The following CTNNAL1 variants were observed in gnomAD, a reference collection of about 807,000 sequenced individuals.
CTNNAL1 encodes catenin alpha like 1, also known as alpha-catulin.
Under a neutral mutation model 93.6 loss-of-function variants are expected in CTNNAL1, and 69 were observed. That is an observed-to-expected ratio of 0.74 (90% CI 0.61 to 0.90). The LOEUF (loss-of-function observed/expected upper bound fraction) is 0.90. Among genes scored for constraint, CTNNAL1 ranks in the 40% least tolerant of loss-of-function variants. CTNNAL1 has a pLI of 0.00. For missense variants in CTNNAL1, 836 were observed against 862.0 expected (o/e 0.97, Z 0.38); for synonymous variants, 286 against 305.4 (o/e 0.94, Z 0.66).
chr9:108,978,784 GGATCTACCCTT>G (rs1290378403), intron 7 of CTNNAL1, among the ~76,000 whole-genome samples: 1 of 150,142 alleles, frequency 6.7e-6, no homozygotes, highest in African/African-American at 2.5e-5. Flanking sequence ...CTTGCCAGCT[GGATCTACCCTT>G]GTTTTCATTG....
chr9:108,988,658 C>T (rs1831688888), intron 4 of CTNNAL1, among the ~76,000 whole-genome samples: 1 of 152,182 alleles, frequency 6.6e-6, no homozygotes, highest in East Asian at 1.9e-4. Flanking sequence ...TTACCCTTCC[C>T]GTTTGCTCAC....
intron 11 of CTNNAL1, among the ~76,000 whole-genome samples, chr9:108,959,233 T>C (rs1333758592): frequency 6.7e-6 from 1 of 149,480 alleles, no homozygotes; most frequent in Non-Finnish European, 1.5e-5. Context: ...GGTGTGGTGG[T>C]GGGCGCCTGT....
chr9:108,983,209 C>A lies in CTNNAL1; in HGVS notation c.836G>T (p.Cys279Phe). Residue 279 changes from cysteine (C) to phenylalanine (F), a missense_variant, in exon 6 of 19, where the codon TGT becomes TTT. Physicochemically the swap from Cys to Phe is radical, Grantham distance 205. Coordinates refer to ENST00000325551, the MANE Select transcript of CTNNAL1 (RefSeq NM_003798.4). ...LDKVIEIVTD[C>F]KPNGETDISS... ...AATGTCAGTCTCTCCATTCGGTTTA[C>A]AGTCAGTCACAATTTCAATGACCTT... The A allele has an allele frequency of 1.3e-6, 2 of 1,590,956 alleles. No individual in the cohort carries two copies. The highest frequency in any genetic ancestry group is 1.7e-5 in the Admixed American group (1 of 57,428).
At position 108,942,721 on chromosome 9, in the gene CTNNAL1, T is replaced by G; in HGVS notation, c.*48A>C. On this transcript the variant is annotated 3_prime_UTR_variant, in exon 19 of 19. Coordinates refer to ENST00000325551, the MANE Select transcript of CTNNAL1 (RefSeq NM_003798.4). ...TAAAGGATCATTTGATTTTTAAAAA[T>G]GTCAGCTTCATCACATGATGTTCCA... 8.6e-7 allele frequency: 1 copy of G among 1,162,518 alleles called. No individual in the cohort carries two copies. Among genetic ancestry groups the G allele is most frequent in the African/African-American group, 1.5e-5 (1 of 64,668 alleles). The allele number at this position is 1,162,518 out of a possible 1,614,324, so 72.0% of individuals were successfully genotyped here.
At chr9:108,989,398 T>TTA (rs1831715348) in intron 4 of CTNNAL1, among the ~76,000 whole-genome samples, 3 of 152,222 alleles carry the variant, frequency 2.0e-5, no homozygotes, top group Admixed American at 2.0e-4. Flanking sequence ...GAAAATTTGT[T>TTA]TTATAAAGAA....
chr9:108,992,997 CA>C (rs370155035), intron 2 of CTNNAL1, among the ~76,000 whole-genome samples, 178 bp from the exon 3 acceptor site: 5 of 150,850 alleles, frequency 3.3e-5, no homozygotes, highest in African/African-American at 1.2e-4. Flanking sequence ...GCTTTCTAAC[CA>C]GAAAATAATA....
At chr9:108,994,974 G>A (rs1335452580) in intron 2 of CTNNAL1, among the ~76,000 whole-genome samples, 2 of 152,210 alleles carry the variant, frequency 1.3e-5, no homozygotes, top group Non-Finnish European at 2.9e-5. Flanking sequence ...CAGACCTGCA[G>A]TGCACTCAAG....
At chr9:108,963,239 GA>G (rs1332526549) in intron 11 of CTNNAL1, among the ~76,000 whole-genome samples, 1 of 152,128 alleles carries the variant, frequency 6.6e-6, no homozygotes, top group African/African-American at 2.4e-5. Flanking sequence ...TCTTCTTATG[GA>G]AATAAAAGAG....
chr9:108,972,441 A>T lies in CTNNAL1; in HGVS notation c.1347+234T>A, dbSNP rs534658833. 3.9e-5 allele frequency among the ~76,000 whole-genome samples: 6 copies of T among 152,312 alleles called. No homozygotes were observed. In the East Asian group the frequency reaches 1.2e-3, roughly 29 times the overall value. ...TCCAAGGTCTAACTTCTCTGAGAGG[A>T]TAAGGAAAAGAAGATTAAGAAGTTC... is the stretch of plus-strand genomic sequence containing the variant. On this transcript the variant is annotated intron_variant, in intron 9 of 18. Coordinates refer to ENST00000325551, the MANE Select transcript of CTNNAL1 (RefSeq NM_003798.4).
intron 2 of CTNNAL1, among the ~76,000 whole-genome samples, chr9:108,994,114 C>A (rs1831920349): frequency 6.6e-6 from 1 of 152,066 alleles, no homozygotes; most frequent in African/African-American, 2.4e-5. Flanking sequence ...GGCCTGTAAT[C>A]CCAGCTACTC....
At chr9:108,959,466 T>C (rs1205010320) in intron 11 of CTNNAL1, among the ~76,000 whole-genome samples, 2 of 150,978 alleles carry the variant, frequency 1.3e-5, no homozygotes, top group Non-Finnish European at 2.9e-5. Flanking sequence ...GGCCAGCACC[T>C]GTAGTTCTAG....
At chr9:108,988,098 C>G (rs549454629) in intron 4 of CTNNAL1, among the ~76,000 whole-genome samples, 15 of 151,858 alleles carry the variant, frequency 9.9e-5, no homozygotes, top group Admixed American at 2.0e-4. Flanking sequence ...ACTTTCTTTT[C>G]CTTTTGAGAC....
In CTNNAL1 at chr9:108,972,748, C is replaced by G; in HGVS notation, c.1274G>C (p.Gly425Ala). The change falls in exon 9 of 19, where the codon GGA (glycine) becomes GCA (alanine). Residue 425 changes from glycine (G) to alanine (A), a missense_variant. Transcript: ENST00000325551. ...HVVLKALKLT[G>A]VEGNLEALAE... is the part of the protein sequence containing the mutation. The stretch of plus-strand genomic sequence containing the variant: ...CAAAGCTTCTAAATTTCCTTCTACT[C>G]CAGTAAGTTTTAATGCTTTTAGAAC... 1 of 1,592,380 alleles carries G rather than the reference C, an allele frequency of 6.3e-7. No homozygotes were observed. Among genetic ancestry groups the G allele is most frequent in the Non-Finnish European group, 8.6e-7 (1 of 1,167,886 alleles).
intron 11 of CTNNAL1, among the ~76,000 whole-genome samples, chr9:108,959,364 C>CAAAA (rs36116094): frequency 3.7e-3 from 206 of 55,710 alleles, no homozygotes; most frequent in Non-Finnish European, 4.4e-3. Flanking sequence ...GACTCCATAT[C>CAAAA]AAAAAAAAAA....
At chr9:108,953,354 T>A (rs1195507751) in intron 12 of CTNNAL1, among the ~76,000 whole-genome samples, 1 of 152,282 alleles carries the variant, frequency 6.6e-6, no homozygotes, top group East Asian at 1.9e-4. Flanking sequence ...AACTCTGAGA[T>A]CTGGTGAAAG....
Position 108,989,562 on chromosome 9 carries a change from T to G in CTNNAL1, c.639+1164A>C, listed in dbSNP as rs1358679007. On this transcript the variant is annotated intron_variant, in intron 4 of 18. Transcript: ENST00000325551. ...AATTGGGAAAGTTCATATCAAAAAC[T>G]GAGAGACTAGCCTATGGGACTACAC... 3.3e-5 allele frequency among the ~76,000 whole-genome samples: 5 copies of G among 152,156 alleles called. No homozygotes were observed. The East Asian group carries it at 7.7e-4, about 23-fold the overall frequency.
chr9:108,986,179 C>T (rs1034588907), intron 4 of CTNNAL1, among the ~76,000 whole-genome samples: 1 of 142,922 alleles, frequency 7.0e-6, no homozygotes, highest in South Asian at 2.5e-4. Flanking sequence ...CCTCCCCCCT[C>T]CCCGCACCCC....
Position 108,992,502 on chromosome 9 carries a change from A to C in CTNNAL1, c.519+130T>G. The C allele has an allele frequency of 6.8e-6, 8 of 1,182,296 alleles. 1 individual carries two copies. The highest frequency in any genetic ancestry group is 9.3e-6 in the Non-Finnish European group (8 of 864,020). The allele number at this position is 1,182,296 out of a possible 1,614,324, so 73.2% of individuals were successfully genotyped here. On this transcript the variant is annotated intron_variant, in intron 3 of 18. Coordinates refer to ENST00000325551, the MANE Select transcript of CTNNAL1 (RefSeq NM_003798.4). ...AGTGTGTCAATGTATCCTGCATTGC[A>C]CATTAATTCCCACAGCTAGCTGCAT...
At chr9:109,001,169 CT>C (rs1400893331) in intron 1 of CTNNAL1, among the ~76,000 whole-genome samples, 1 of 108,896 alleles carries the variant, frequency 9.2e-6, no homozygotes, top group African/African-American at 3.7e-5. Flanking sequence ...GAGACTCCAT[CT>C]CCAAAAAAAA....
Sources: allele counts gnomAD v4.1 joint callset (sites outside exome capture counted in the v4.1 genomes callset), GRCh38; gene constraint gnomAD v4.1.1; transcripts MANE v1.5; gene names NCBI Gene and HGNC (gene_info 2026-07-23, HGNC 2026-07-21).